Variants in WFDC9 observed in about 807,000 individuals in gnomAD.
The protein encoded by WFDC9 is protein WFDC9.
A neutral mutation model predicts 9.5 loss-of-function variants in WFDC9; 9 were observed. The observed-to-expected ratio is 0.95, with a 90% confidence interval of 0.57 to 1.65. The LOEUF (loss-of-function observed/expected upper bound fraction) is 1.65, where lower values mean the gene tolerates loss of function less well. Ranked by LOEUF, WFDC9 falls within the 40% of genes most tolerant of loss-of-function variation. The probability of loss-of-function intolerance (pLI) is 0.00; values close to 1 mark genes in which losing one functional copy is unlikely to be tolerated. For missense variants in WFDC9, 87 were observed against 106.7 expected (o/e 0.82, Z 0.81); for synonymous variants, 33 against 32.3 (o/e 1.02, Z -0.07).
At chr20:45,610,044 C>T (rs1981825320) in intron 3 of WFDC9, 47 bp downstream of exon 3, 1 of 1,499,776 alleles carries the variant, frequency 6.7e-7, no homozygotes, top group Non-Finnish European at 9.3e-7. Flanking sequence ...CTACAATAGA[C>T]ATCCCAGGAC....
At chr20:45,629,561 C>G in intron 1 of WFDC9, 1 of 353,952 alleles carries the variant, frequency 2.8e-6, no homozygotes, top group Non-Finnish European at 5.1e-6. Flanking sequence ...ATTCTATCGG[C>G]AAGAACACAA....
intron 1 of WFDC9, among the ~76,000 whole-genome samples, chr20:45,630,399 T>C (rs1422098502): frequency 1.3e-5 from 2 of 151,872 alleles, no homozygotes; most frequent in Non-Finnish European, 2.9e-5. Context: ...GAAAGGGAAC[T>C]AAAGAAGGGG....
chr20:45,622,120 G>C (rs747547364), intron 1 of WFDC9, among the ~76,000 whole-genome samples: 1 of 152,074 alleles, frequency 6.6e-6, no homozygotes, highest in Admixed American at 6.6e-5. Flanking sequence ...CAATTTTATT[G>C]TGCCCTCATA....
At position 45,610,220 on chromosome 20, in the gene WFDC9, A is replaced by G; in HGVS notation, c.-39T>C. 1 of 1,583,016 alleles carries G rather than the reference A, an allele frequency of 6.3e-7. No homozygotes were observed. The highest frequency in any genetic ancestry group is 8.7e-7 in the Non-Finnish European group (1 of 1,153,526). On this transcript the variant is annotated 5_prime_UTR_variant, in exon 3 of 5. Coordinates refer to ENST00000326000, the MANE Select transcript of WFDC9 (RefSeq NM_147198.4). ...TGTATTTGGGTTAAGTTCTGGCAGA[A>G]GGCAAGTCTTTTCCCAATACTGCTA...
intron 1 of WFDC9, among the ~76,000 whole-genome samples, chr20:45,628,039 A>G (rs1982260880): frequency 6.6e-6 from 1 of 152,112 alleles, no homozygotes; most frequent in South Asian, 2.1e-4. Context: ...TTACTACTCT[A>G]TCAATAATTT....
chr20:45,616,440 T>A (rs1981976529), intron 1 of WFDC9, among the ~76,000 whole-genome samples: 1 of 152,206 alleles, frequency 6.6e-6, no homozygotes, highest in South Asian at 2.1e-4. Flanking sequence ...ACTGAAGTCT[T>A]GAAACCCTCA....
chr20:45,611,844 C>T (rs961065568), intron 2 of WFDC9, among the ~76,000 whole-genome samples: 6 of 152,184 alleles, frequency 3.9e-5, no homozygotes, highest in Admixed American at 1.3e-4. Context: ...TGTCCCTCCA[C>T]CCCTTGTTCT....
intron 1 of WFDC9, among the ~76,000 whole-genome samples, chr20:45,618,558 C>A (rs1471517675): frequency 1.3e-5 from 2 of 151,954 alleles, no homozygotes; most frequent in Non-Finnish European, 2.9e-5. Context: ...GAGTCTGTTG[C>A]GGGGTTATTA....
intron 1 of WFDC9, among the ~76,000 whole-genome samples, chr20:45,627,725 A>C (rs1345752632): frequency 1.3e-5 from 2 of 152,210 alleles, no homozygotes; most frequent in African/African-American, 4.8e-5. Flanking sequence ...AGTGGTAGCC[A>C]CCTGGAAGCT....
At chr20:45,626,902 T>C (rs1982230588) in intron 1 of WFDC9, among the ~76,000 whole-genome samples, 1 of 152,212 alleles carries the variant, frequency 6.6e-6, no homozygotes, top group Non-Finnish European at 1.5e-5. Context: ...TTTCAGTTCT[T>C]AGAGGAAAAG....
intron 1 of WFDC9, among the ~76,000 whole-genome samples, chr20:45,627,371 T>C (rs1982242772): frequency 6.6e-6 from 1 of 152,208 alleles, no homozygotes; most frequent in Non-Finnish European, 1.5e-5. Flanking sequence ...CATCAATTTT[T>C]TGGAATAGTT....
At chr20:45,613,424 T>G (rs1431454965) in intron 2 of WFDC9, among the ~76,000 whole-genome samples, 1 of 152,192 alleles carries the variant, frequency 6.6e-6, no homozygotes, top group African/African-American at 2.4e-5. Flanking sequence ...GAAAATGTAT[T>G]CTCCTCTTAG....
chr20:45,612,134 A>G (rs1321215541), intron 2 of WFDC9, among the ~76,000 whole-genome samples: 1 of 152,206 alleles, frequency 6.6e-6, no homozygotes, highest in Non-Finnish European at 1.5e-5. Flanking sequence ...GGAATATAGT[A>G]TATACTTCAT....
chr20:45,611,557 A>G (rs1311829230), intron 2 of WFDC9, among the ~76,000 whole-genome samples: 1 of 152,212 alleles, frequency 6.6e-6, no homozygotes, highest in Non-Finnish European at 1.5e-5. Flanking sequence ...TGCTCACATC[A>G]TACAAGTCAT....
chr20:45,608,595 T>C, intron 4 of WFDC9, 68 bp downstream of exon 4: 2 of 1,534,560 alleles, frequency 1.3e-6, no homozygotes, highest in South Asian at 1.3e-5. Context: ...TGCGGTCTTT[T>C]GAATAGTCGG....
intron 1 of WFDC9, chr20:45,629,872 A>G: frequency 6.2e-7 from 1 of 1,613,940 alleles, no homozygotes; most frequent in Non-Finnish European, 8.5e-7. Flanking sequence ...CTGCAGGCCC[A>G]GGGAGGATAC....
chr20:45,619,103 G>A (rs1982036468), intron 1 of WFDC9, among the ~76,000 whole-genome samples: 1 of 152,228 alleles, frequency 6.6e-6, no homozygotes, highest in Non-Finnish European at 1.5e-5. Context: ...CAAACTGAAG[G>A]AAATTTTGAC....
At position 45,608,126 on chromosome 20, in the gene WFDC9, G is replaced by A. The variant is rs768483795; in HGVS notation, c.254C>T (p.Ser85Leu). The change falls in exon 5 of 5, where the codon TCA becomes TTA. Residue 85 changes from serine (S) to leucine (L), a missense_variant. Physicochemically the swap from Ser to Leu is moderately radical, Grantham distance 145 (BLOSUM62 -2). Coordinates refer to ENST00000326000, the MANE Select transcript of WFDC9 (RefSeq NM_147198.4). ...CAATAGAATCTAGGGGTTTAGCATT[G>A]ATTTAAGGGGCTCTCTAGAAGAGAA... ...ICLDNEEPLK[S>L]MLNP The A allele has an allele frequency of 6.2e-7, 1 of 1,612,854 alleles. No individual in the cohort carries two copies. Among genetic ancestry groups the A allele is most frequent in the Admixed American group, 1.7e-5 (1 of 59,624 alleles).
At chr20:45,628,783 T>C (rs6073824) in intron 1 of WFDC9, among the ~76,000 whole-genome samples, 4 of 152,212 alleles carry the variant, frequency 2.6e-5, no homozygotes. Flanking sequence ...GAGTTCAGAA[T>C]GTCAGAAAGA....
Sources: allele counts gnomAD v4.1 joint callset (sites outside exome capture counted in the v4.1 genomes callset), GRCh38; gene constraint gnomAD v4.1.1; transcripts MANE v1.5; gene names NCBI Gene and HGNC (gene_info 2026-07-23, HGNC 2026-07-21).